The following TGFB2 variants were observed in gnomAD, a reference collection of about 807,000 sequenced individuals.
The protein encoded by TGFB2 is transforming growth factor beta-2 proprotein.
TGFB2 carries 13 observed loss-of-function variants against 42.7 expected under a neutral mutation model. The observed-to-expected ratio is 0.30, with a 90% CI of 0.20 to 0.48. The LOEUF is 0.48. Among genes scored for constraint, TGFB2 ranks in the 20% least tolerant of loss-of-function variants. The pLI, the probability that TGFB2 is intolerant of heterozygous loss-of-function variation, is 0.99. For missense variants in TGFB2, 390 were observed against 517.5 expected (o/e 0.75, Z 2.39); for synonymous variants, 193 against 193.6 (o/e 1.00, Z 0.03).
At chr1:218,422,550 C>T (rs1659491849) in intron 2 of TGFB2, among the ~76,000 whole-genome samples, 1 of 152,062 alleles carries the variant, frequency 6.6e-6, no homozygotes, top group African/African-American at 2.4e-5. Context: ...ACCAGCACAT[C>T]CCTATTACCT....
chr1:218,432,600 A>G (rs1380130921), intron 2 of TGFB2, among the ~76,000 whole-genome samples: 6 of 152,260 alleles, frequency 3.9e-5, no homozygotes, highest in African/African-American at 1.4e-4. Flanking sequence ...ATGAGTGGAA[A>G]GATGATGCAT....
intron 1 of TGFB2, among the ~76,000 whole-genome samples, chr1:218,400,959 C>A (rs1402044422): frequency 6.6e-6 from 1 of 152,222 alleles, no homozygotes; most frequent in East Asian, 1.9e-4. Flanking sequence ...GGGCTGAGGT[C>A]CCCAGCCCTC....
intron 1 of TGFB2, among the ~76,000 whole-genome samples, chr1:218,371,971 C>T (rs867533976): frequency 2.3e-4 from 35 of 152,120 alleles, no homozygotes; most frequent in Admixed American, 2.0e-4. Flanking sequence ...GGAAAGTAAC[C>T]CTGCCTGGCA....
chr1:218,378,633 A>G (rs1415063520), intron 1 of TGFB2, among the ~76,000 whole-genome samples: 1 of 151,808 alleles, frequency 6.6e-6, no homozygotes, highest in Non-Finnish European at 1.5e-5. Context: ...TGCTGTTGAG[A>G]CAGAGTCTCA....
chr1:218,391,184 C>T (rs760117235), intron 1 of TGFB2, among the ~76,000 whole-genome samples: 2 of 152,164 alleles, frequency 1.3e-5, no homozygotes, highest in Non-Finnish European at 2.9e-5. Flanking sequence ...AGGTGGGTTC[C>T]AGAACCTTCC....
chr1:218,358,016 G>A (rs182222861), intron 1 of TGFB2, among the ~76,000 whole-genome samples: 354 of 152,280 alleles, frequency 2.3e-3, no homozygotes, highest in Non-Finnish European at 3.9e-3. Flanking sequence ...TAACCCACAC[G>A]ACACTGACAA....
chr1:218,404,819 G>C (rs1459942179), intron 1 of TGFB2, among the ~76,000 whole-genome samples: 1 of 152,158 alleles, frequency 6.6e-6, no homozygotes, highest in Non-Finnish European at 1.5e-5. Context: ...GTGTATGCAG[G>C]CCTGACAGCT....
intron 4 of TGFB2, among the ~76,000 whole-genome samples, chr1:218,435,682 C>T (rs149719738): frequency 1.5e-4 from 23 of 152,310 alleles, no homozygotes; most frequent in African/African-American, 5.5e-4. Flanking sequence ...TGCCCTTGGA[C>T]TATAGGTCAA....
At position 218,347,067 on chromosome 1, in the gene TGFB2, T is replaced by A. The variant is rs1226959859; in HGVS notation, c.346+20T>A. 1.4e-5 allele frequency: 22 copies of A among 1,551,680 alleles called. No individual in the cohort carries two copies. Among genetic ancestry groups the A allele is most frequent in the Non-Finnish European group, 1.9e-5 (22 of 1,147,450 alleles). ...CCGAAAGTAAGTACTTATTTTGACT[T>A]CCATCCCCTGAGGTTTAGCTCTGCC... On this transcript the variant is annotated intron_variant, in intron 1 of 6. Coordinates refer to ENST00000366930, the MANE Select transcript of TGFB2 (RefSeq NM_003238.6).
At chr1:218,381,501 G>A (rs188629195) in intron 1 of TGFB2, among the ~76,000 whole-genome samples, 80 of 152,096 alleles carry the variant, frequency 5.3e-4, no homozygotes, top group Admixed American at 1.7e-3. Flanking sequence ...TGATCCACCC[G>A]CCTCGGCCTC....
In TGFB2 at chr1:218,358,083, G is replaced by A. The variant is rs114668732; in HGVS notation, c.346+11036G>A. Among the ~76,000 whole-genome samples the A allele has an allele frequency of 2.4e-3, 365 of 152,236 alleles. 3 individuals are homozygous for A. Among genetic ancestry groups the A allele is most frequent in the African/African-American group, 8.5e-3 (353 of 41,534 alleles). On this transcript the variant is annotated intron_variant, in intron 1 of 6. Transcript: ENST00000366930. ...AAATAACTATTCATTCATAATTTTA[G>A]GCTATTGTAAGAATCCTTATTTGTT...
intron 4 of TGFB2, among the ~76,000 whole-genome samples, chr1:218,435,472 C>A (rs374065778): frequency 2.6e-5 from 4 of 152,164 alleles, no homozygotes; most frequent in East Asian, 3.9e-4. Context: ...GTAAGGGTGA[C>A]TTCTGTTTCA....
intron 1 of TGFB2, among the ~76,000 whole-genome samples, chr1:218,383,950 C>T (rs1039901925): frequency 1.3e-5 from 2 of 152,194 alleles, no homozygotes; most frequent in Admixed American, 6.5e-5. Flanking sequence ...TTTCCTCCTC[C>T]CTTTCCTTCC....
intron 6 of TGFB2, among the ~76,000 whole-genome samples, chr1:218,439,846 G>A (rs1660097163): frequency 1.3e-5 from 2 of 152,224 alleles, no homozygotes; most frequent in Non-Finnish European, 2.9e-5. Context: ...AACTGTCATG[G>A]TCACAAATAT....
chr1:218,389,253 CG>C (rs2102576252), intron 1 of TGFB2, among the ~76,000 whole-genome samples: 1 of 152,214 alleles, frequency 6.6e-6, no homozygotes, highest in South Asian at 2.1e-4. Flanking sequence ...TGTTTGAGAG[CG>C]ATTAATTTCC....
chr1:218,425,695 T>C (rs562610347), intron 2 of TGFB2, among the ~76,000 whole-genome samples: 9 of 152,196 alleles, frequency 5.9e-5, no homozygotes, highest in Admixed American at 5.9e-4. Context: ...TCCAAGATAA[T>C]GGAGAATCTC....
intron 1 of TGFB2, among the ~76,000 whole-genome samples, chr1:218,366,715 G>A (rs77579869): frequency 0.038 from 5,801 of 152,322 alleles, 242 homozygotes; most frequent in African/African-American, 0.1. Flanking sequence ...TCACTGGGGT[G>A]GGTGGAGCTG....
intron 1 of TGFB2, among the ~76,000 whole-genome samples, chr1:218,351,714 T>C (rs1047947255): frequency 6.6e-6 from 1 of 152,034 alleles, no homozygotes; most frequent in Non-Finnish European, 1.5e-5. Flanking sequence ...AAGGAAGGGG[T>C]TGGGGGAGCC....
intron 2 of TGFB2, among the ~76,000 whole-genome samples, chr1:218,426,590 G>A (rs942646599): frequency 1.3e-5 from 2 of 152,158 alleles, no homozygotes; most frequent in African/African-American, 2.4e-5. Context: ...AATGAAGGTG[G>A]CATTCAAACA....
Sources: allele counts gnomAD v4.1 joint callset (sites outside exome capture counted in the v4.1 genomes callset), GRCh38; gene constraint gnomAD v4.1.1; transcripts MANE v1.5; gene names NCBI Gene and HGNC (gene_info 2026-07-23, HGNC 2026-07-21).